Variants in KIF13A observed in about 807,000 individuals in gnomAD.
KIF13A encodes kinesin-like protein KIF13A.
A neutral mutation model predicts 212.2 loss-of-function variants in KIF13A; 79 were observed. That is an observed-to-expected ratio of 0.37 (90% CI 0.31 to 0.45). The LOEUF is 0.45. Among genes scored for constraint, KIF13A ranks in the 20% least tolerant of loss-of-function variants. The probability of loss-of-function intolerance (pLI) is 1.00; values close to 1 mark genes in which losing one functional copy is unlikely to be tolerated. For missense variants in KIF13A, 1,901 were observed against 2,209.0 expected (o/e 0.86, Z 2.79); for synonymous variants, 789 against 808.6 (o/e 0.98, Z 0.41).
intron 2 of KIF13A, among the ~76,000 whole-genome samples, chr6:17,928,799 T>A (rs970011504): frequency 1.3e-5 from 2 of 151,986 alleles, no homozygotes; most frequent in African/African-American, 4.8e-5. Flanking sequence ...AGAAAACACA[T>A]AATAGAGGTC....
At chr6:17,966,494 G>GA (rs564501705) in intron 2 of KIF13A, among the ~76,000 whole-genome samples, 24,620 of 87,344 alleles carry the variant, frequency 0.28, 2,685 homozygotes, top group South Asian at 0.32. Flanking sequence ...CAAAAGTTCT[G>GA]AAAAAAAAAA....
intron 2 of KIF13A, among the ~76,000 whole-genome samples, chr6:17,976,192 C>T (rs972959525): frequency 6.6e-6 from 1 of 152,256 alleles, no homozygotes; most frequent in Non-Finnish European, 1.5e-5. Context: ...GCCGGCACTC[C>T]TCAGCCCTTG....
At chr6:17,957,705 G>A (rs145110453) in intron 2 of KIF13A, among the ~76,000 whole-genome samples, 2 of 152,306 alleles carry the variant, frequency 1.3e-5, no homozygotes, top group East Asian at 3.9e-4. Context: ...CCCAGCTGGT[G>A]TTCACTGCTT....
intron 25 of KIF13A, among the ~76,000 whole-genome samples, chr6:17,792,758 C>T (rs1206596626): frequency 1.3e-5 from 2 of 152,174 alleles, no homozygotes; most frequent in Non-Finnish European, 2.9e-5. Context: ...CAGGCAGCAT[C>T]TGACAAAGCT....
At chr6:17,931,525 G>A (rs1005320251) in intron 2 of KIF13A, among the ~76,000 whole-genome samples, 1 of 152,108 alleles carries the variant, frequency 6.6e-6, no homozygotes, top group Non-Finnish European at 1.5e-5. Flanking sequence ...ACAAAATATT[G>A]CATTCTTGAT....
Position 17,865,512 on chromosome 6 carries a change from T to C in KIF13A, c.220+7865A>G, listed in dbSNP as rs139282118. The stretch of plus-strand genomic sequence containing the variant: ...GGACAGCGCAAGACCAGACAGGTTC[T>C]TCTCACATACCTGAAGGGGTGAAGA... On this transcript the variant is annotated intron_variant, in intron 4 of 38. Coordinates refer to ENST00000259711, the MANE Select transcript of KIF13A (RefSeq NM_022113.6). Among the ~76,000 whole-genome samples the C allele has an allele frequency of 1.5e-3, 229 of 152,324 alleles. 1 individual carries two copies. Among genetic ancestry groups the C allele is most frequent in the African/African-American group, 5.1e-3 (210 of 41,568 alleles).
chr6:17,820,214 T>C (rs558515791), intron 16 of KIF13A, among the ~76,000 whole-genome samples: 2 of 152,128 alleles, frequency 1.3e-5, no homozygotes, highest in Admixed American at 1.3e-4. Context: ...GCATGATGAG[T>C]GGCCACAAAT....
chr6:17,796,894 G>A, intron 22 of KIF13A, 74 bp from the exon 23 acceptor site: 2 of 977,336 alleles, frequency 2.0e-6, no homozygotes, highest in Non-Finnish European at 2.8e-6. Context: ...CCTTTCAACT[G>A]TTATATTTAT....
intron 2 of KIF13A, among the ~76,000 whole-genome samples, chr6:17,976,465 C>T (rs1469551926): frequency 1.3e-5 from 2 of 152,228 alleles, no homozygotes; most frequent in Non-Finnish European, 2.9e-5. Context: ...CCGGCAAGGC[C>T]GGCTGGCTGC....
At position 17,967,498 on chromosome 6, in the gene KIF13A, A is replaced by C. The variant is rs530628967; in HGVS notation, c.146+19556T>G. 4.6e-5 allele frequency among the ~76,000 whole-genome samples: 7 copies of C among 152,380 alleles called. No homozygotes were observed. In the South Asian group the frequency reaches 1.4e-3, roughly 32 times the overall value. On this transcript the variant is annotated intron_variant, in intron 2 of 38. Coordinates refer to ENST00000259711, the MANE Select transcript of KIF13A (RefSeq NM_022113.6). This position sits in a 1 kb window ranked among gnomAD's most constrained non-coding sequence, Gnocchi z 4.1. ...GAACTCATCTTATGCTCAATCACTC[A>C]AGGATGGAAAACTAAACTTCTCTAG...
intron 4 of KIF13A, among the ~76,000 whole-genome samples, chr6:17,857,175 T>TTA (rs1440238035): frequency 6.6e-6 from 1 of 152,230 alleles, no homozygotes; most frequent in Non-Finnish European, 1.5e-5. Flanking sequence ...GAGTCTCTTA[T>TTA]TATACTATGA....
At chr6:17,972,023 T>G (rs1779847043) in intron 2 of KIF13A, among the ~76,000 whole-genome samples, 1 of 152,166 alleles carries the variant, frequency 6.6e-6, no homozygotes, top group South Asian at 2.1e-4. Flanking sequence ...GAAAGAAGAA[T>G]ACTATTCCAT....
At chr6:17,860,425 G>A (rs978837256) in intron 4 of KIF13A, among the ~76,000 whole-genome samples, 1 of 152,042 alleles carries the variant, frequency 6.6e-6, no homozygotes, top group South Asian at 2.1e-4. Context: ...CTGACCCTAG[G>A]TGATCTGCCT....
intron 2 of KIF13A, among the ~76,000 whole-genome samples, chr6:17,969,191 G>C (rs1316067008): frequency 3.9e-5 from 6 of 152,234 alleles, no homozygotes; most frequent in Admixed American, 6.5e-5. Flanking sequence ...GGAGTTTGCA[G>C]TCTAGAGGGT....
chr6:17,820,974 G>A (rs1225466206), intron 16 of KIF13A, among the ~76,000 whole-genome samples: 1 of 152,306 alleles, frequency 6.6e-6, no homozygotes, highest in East Asian at 1.9e-4. Context: ...GATCCCAGAT[G>A]GAACAAACTG....
chr6:17,780,030 G>C (rs1384155415), intron 31 of KIF13A, among the ~76,000 whole-genome samples: 1 of 152,126 alleles, frequency 6.6e-6, no homozygotes, highest in Non-Finnish European at 1.5e-5. Flanking sequence ...ACAGGCGTGA[G>C]CCACCGCGCC....
chr6:17,806,363 G>A (rs933632462), intron 18 of KIF13A, among the ~76,000 whole-genome samples: 1 of 152,142 alleles, frequency 6.6e-6, no homozygotes, highest in Non-Finnish European at 1.5e-5. Context: ...TCCACTATAA[G>A]CATCCTTGTG....
At chr6:17,853,068 T>A (rs1383364008) in intron 6 of KIF13A, among the ~76,000 whole-genome samples, 1 of 152,200 alleles carries the variant, frequency 6.6e-6, no homozygotes, top group Non-Finnish European at 1.5e-5. Flanking sequence ...TTAAGAGTCA[T>A]TGCTTAGCAT....
In KIF13A at chr6:17,772,690, C is replaced by T. The variant is rs1307979501; in HGVS notation, c.4325-631G>A. On this transcript the variant is annotated intron_variant, in intron 36 of 38. Transcript: ENST00000259711. This position sits in a 1 kb window ranked among gnomAD's most constrained non-coding sequence, Gnocchi z 4.8. The stretch of plus-strand genomic sequence containing the variant: ...ATTATCTGCATGTTCATTTTGGCAC[C>T]TTATCATTTAACATCTCATTTTCTG... Among the ~76,000 whole-genome samples, 1 of 152,208 alleles carries T rather than the reference C, an allele frequency of 6.6e-6. No individual in the cohort carries two copies. Among genetic ancestry groups the T allele is most frequent in the African/African-American group, 2.4e-5 (1 of 41,452 alleles).
Sources: gnomAD v4.1 joint callset for allele counts (sites outside exome capture counted in the v4.1 genomes callset) on GRCh38, gnomAD v4.1.1 for gene constraint, Gnocchi (gnomAD v3.1) non-coding constraint, MANE v1.5 for transcripts, NCBI Gene and HGNC (gene_info 2026-07-23, HGNC 2026-07-21) for gene names.